Variants in SEMA7A observed in about 807,000 individuals in gnomAD.
The protein encoded by SEMA7A is semaphorin 7A (JohnMiltonHagen blood group), also known as semaphorin-7A.
A neutral mutation model predicts 67.5 loss-of-function variants in SEMA7A; 21 were observed. The ratio of observed to expected loss-of-function variants is 0.31; its 90% CI spans 0.22 to 0.45. The LOEUF is 0.45. SEMA7A is among the 20% of genes least tolerant of loss of function. SEMA7A has a pLI of 1.00. For missense variants in SEMA7A, 774 were observed against 908.6 expected (o/e 0.85, Z 1.90); for synonymous variants, 364 against 368.5 (o/e 0.99, Z 0.14).
chr15:74,416,037 C>T, intron 7 of SEMA7A, 52 bp from the exon 8 acceptor site: 1 of 1,567,932 alleles, frequency 6.4e-7, no homozygotes, highest in South Asian at 1.1e-5. Flanking sequence ...CGGGCTTCCC[C>T]ACACACCCCA....
At chr15:74,416,057 T>C in intron 7 of SEMA7A, 72 bp from the exon 8 acceptor site, 1 of 1,468,418 alleles carries the variant, frequency 6.8e-7, no homozygotes, top group Non-Finnish European at 9.4e-7. Context: ...AGGAAACCAC[T>C]GCCAGCAATA....
chr15:74,427,146 G>A (rs923900532), intron 1 of SEMA7A: 11 of 916,938 alleles, frequency 1.2e-5, no homozygotes, highest in African/African-American at 3.6e-5. Context: ...CTCACTGCCC[G>A]TACCTTCGAC....
intron 6 of SEMA7A, among the ~76,000 whole-genome samples, 183 bp from the exon 7 acceptor site, chr15:74,416,897 C>A (rs1318513812): frequency 6.6e-6 from 1 of 152,208 alleles, no homozygotes; most frequent in East Asian, 1.9e-4. Context: ...CTCCACCCCA[C>A]ACCTGTTTTG....
Position 74,433,779 on chromosome 15 carries a change from T to G in SEMA7A, c.140A>C (p.His47Pro), listed in dbSNP as rs748991176. ...GAAGATGCGGGGTCCGCTCCTTAGGTGGCCCTGGGCGGAGGCGGCGGCCGC... is the reference window on the plus strand; with the variant it reads ...GAAGATGCGGGGTCCGCTCCTTAGGGGGCCCTGGGCGGAGGCGGCGGCCGC... ...LWAAAASAQG[H>P]LRSGPRIFAV... The change falls in exon 1 of 14, where the codon CAC becomes CCC. Residue 47 changes from histidine to proline, a missense_variant. His to Pro is a moderately conservative substitution (Grantham distance 77, BLOSUM62 -2). Coordinates refer to ENST00000261918, the MANE Select transcript of SEMA7A (RefSeq NM_003612.5). The G allele has an allele frequency of 2.4e-5, 34 of 1,441,858 alleles. No homozygotes were observed. The South Asian group carries it at 4.2e-4, about 18-fold the overall frequency. The allele number at this position is 1,441,858 out of a possible 1,614,324, so 89.3% of individuals were successfully genotyped here.
intron 1 of SEMA7A, among the ~76,000 whole-genome samples, chr15:74,433,202 G>A (rs1289316716): frequency 1.3e-5 from 2 of 148,616 alleles, no homozygotes; most frequent in African/African-American, 2.5e-5. Context: ...TGCCTGGCCC[G>A]AGCTCCGGGC....
Position 74,411,506 on chromosome 15 carries a change from C to G in SEMA7A, c.1577+50G>C, listed in dbSNP as rs375908700. ...TCCTCCAGCCCGACAACACCTCCCC[C>G]TCTCCCATGCCCACCTTCTCCCAGG... On this transcript the variant is annotated intron_variant, in intron 12 of 13. Coordinates refer to ENST00000261918, the MANE Select transcript of SEMA7A (RefSeq NM_003612.5). This position sits in a 1 kb window ranked among gnomAD's most constrained non-coding sequence, Gnocchi z 4.4. The G allele has an allele frequency of 6.5e-7, 1 of 1,544,446 alleles. No homozygotes were observed. Among genetic ancestry groups the G allele is most frequent in the Non-Finnish European group, 8.7e-7 (1 of 1,144,398 alleles).
Position 74,433,920 on chromosome 15 carries a change from C to A in SEMA7A, c.-2G>T. The A allele has an allele frequency of 8.0e-7, 1 of 1,246,484 alleles. No individual in the cohort carries two copies. The highest frequency in any genetic ancestry group is 3.5e-5 in the South Asian group (1 of 28,404). 77.2% of individuals were successfully genotyped at this position (1,246,484 alleles called of 1,614,324 possible). A position where few individuals can be genotyped will look rare whatever the true frequency, so the allele number is the denominator to read the frequency against. On this transcript the variant is annotated 5_prime_UTR_variant, in exon 1 of 14. Coordinates refer to ENST00000261918, the MANE Select transcript of SEMA7A (RefSeq NM_003612.5). ...ACGTCCGGGCGGAGGAGGCGTCATC[C>A]CGTGGCCCCGGGAGCGACAGCGGCA...
At position 74,414,968 on chromosome 15, in the gene SEMA7A, C is replaced by T. The variant is rs368149063; in HGVS notation, c.987-22G>A. The T allele has an allele frequency of 2.1e-5, 34 of 1,602,036 alleles. No individual in the cohort carries two copies. The highest frequency in any genetic ancestry group is 2.5e-5 in the Non-Finnish European group (29 of 1,169,980). On this transcript the variant is annotated intron_variant, in intron 8 of 13. Coordinates refer to ENST00000261918, the MANE Select transcript of SEMA7A (RefSeq NM_003612.5). The surrounding 1 kb of genome is among the most constrained non-coding windows in gnomAD (Gnocchi z 4.1). ...GTTCCTGCAGTGACATGGAGACCAG[C>T]TCAATGGGGGGCCCAGAACCCACCC...
At chr15:74,429,777 T>A (rs2061072134) in intron 1 of SEMA7A, among the ~76,000 whole-genome samples, 1 of 151,948 alleles carries the variant, frequency 6.6e-6, no homozygotes, top group Non-Finnish European at 1.5e-5. Context: ...CAACGCCTCT[T>A]CACATGGGGG....
intron 1 of SEMA7A, among the ~76,000 whole-genome samples, chr15:74,420,693 GAC>G (rs907800702): frequency 2.0e-5 from 3 of 152,120 alleles, no homozygotes; most frequent in African/African-American, 4.8e-5. Context: ...TGGGGTCACA[GAC>G]ACAGTCTTCC....
rs950193960 is a variant in SEMA7A, at chr15:74,410,485, C to T, written c.*139G>A. The T allele has an allele frequency of 2.3e-6, 3 of 1,312,454 alleles. No individual in the cohort carries two copies. Among genetic ancestry groups the T allele is most frequent in the Non-Finnish European group, 3.1e-6 (3 of 964,476 alleles). 81.3% of individuals were successfully genotyped at this position (1,312,454 alleles called of 1,614,324 possible). A position where few individuals can be genotyped will look rare whatever the true frequency, so the allele number is the denominator to read the frequency against. On this transcript the variant is annotated 3_prime_UTR_variant, in exon 14 of 14. Coordinates refer to ENST00000261918, the MANE Select transcript of SEMA7A (RefSeq NM_003612.5). The surrounding 1 kb of genome is among the most constrained non-coding windows in gnomAD (Gnocchi z 7.5). ...CCGCCTGCGGCTGGACGTCTCCAGG[C>T]CTGGCATCCTCCACTGGGTTATTCT...
intron 1 of SEMA7A, among the ~76,000 whole-genome samples, chr15:74,427,504 T>G (rs989311636): frequency 1.3e-5 from 2 of 152,182 alleles, no homozygotes; most frequent in Non-Finnish European, 2.9e-5. Context: ...AATTTTTTTG[T>G]ATTTTTAGTA....
chr15:74,410,994 G>A lies in SEMA7A; in HGVS notation c.1640-9C>T. The A allele has an allele frequency of 6.2e-7, 1 of 1,608,330 alleles. No individual in the cohort carries two copies. The highest frequency in any genetic ancestry group is 8.5e-7 in the Non-Finnish European group (1 of 1,176,862). On this transcript the variant is annotated splice_polypyrimidine_tract_variant and intron_variant, in intron 13 of 13. Transcript: ENST00000261918. The surrounding 1 kb of genome is among the most constrained non-coding windows in gnomAD (Gnocchi z 7.5). Reference sequence around the variant, plus strand: ...CTGCAGTGGGGCCTTGTCTGGGGAGGCAGTGGGGAAGCAGCCGTGAGGAGG... The same window carrying A: ...CTGCAGTGGGGCCTTGTCTGGGGAGACAGTGGGGAAGCAGCCGTGAGGAGG...
intron 7 of SEMA7A, 46 bp from the exon 8 acceptor site, chr15:74,416,031 C>G: frequency 6.3e-7 from 1 of 1,576,028 alleles, no homozygotes; most frequent in Non-Finnish European, 8.7e-7. Context: ...CCTGCCCGGG[C>G]TTCCCCACAC....
intron 1 of SEMA7A, among the ~76,000 whole-genome samples, chr15:74,424,407 G>A (rs28362890): frequency 6.6e-6 from 1 of 152,354 alleles, no homozygotes; most frequent in Non-Finnish European, 1.5e-5. Context: ...AAGTCAGACA[G>A]TTTTCTGGAA....
intron 1 of SEMA7A, among the ~76,000 whole-genome samples, chr15:74,429,418 C>T (rs1221166094): frequency 6.6e-6 from 1 of 152,224 alleles, no homozygotes; most frequent in East Asian, 1.9e-4. Context: ...CTATCCATGC[C>T]ACCCCCACCC....
Position 74,433,927 on chromosome 15 carries a change from C to T in SEMA7A, c.-9G>A, listed in dbSNP as rs1367494409. ...GGCGGAGGAGGCGTCATCCCGTGGC[C>T]CCGGGAGCGACAGCGGCAATCAGCC... On this transcript the variant is annotated 5_prime_UTR_variant, in exon 1 of 14. Transcript: ENST00000261918. 4 of 1,243,838 alleles carry T rather than the reference C, an allele frequency of 3.2e-6. No homozygotes were observed. The African/African-American group carries it at 4.7e-5, about 15-fold the overall frequency. 77.1% of individuals were successfully genotyped at this position (1,243,838 alleles called of 1,614,324 possible).
intron 1 of SEMA7A, among the ~76,000 whole-genome samples, chr15:74,431,470 A>G (rs1596202678): frequency 6.6e-6 from 1 of 152,158 alleles, no homozygotes; most frequent in Non-Finnish European, 1.5e-5. Context: ...AACTTTCCAT[A>G]CCTATTCCAG....
Position 74,411,185 on chromosome 15 carries a change from G to C in SEMA7A, c.1639+110C>G. 7.3e-7 allele frequency: 1 copy of C among 1,362,304 alleles called. No individual in the cohort carries two copies. Among genetic ancestry groups the C allele is most frequent in the Non-Finnish European group, 1.0e-6 (1 of 994,402 alleles). The allele number at this position is 1,362,304 out of a possible 1,614,324, so 84.4% of individuals were successfully genotyped here. ...TCTGCAGGACTGTATCCTGCCCCAT[G>C]TACCTGGGGCCCACAGGACAAGGCC... On this transcript the variant is annotated intron_variant, in intron 13 of 13. Coordinates refer to ENST00000261918, the MANE Select transcript of SEMA7A (RefSeq NM_003612.5). The surrounding 1 kb of genome is among the most constrained non-coding windows in gnomAD (Gnocchi z 4.4).
Sources: allele counts gnomAD v4.1 joint callset (sites outside exome capture counted in the v4.1 genomes callset), GRCh38; gene constraint gnomAD v4.1.1; non-coding constraint Gnocchi (gnomAD v3.1); transcripts MANE v1.5; gene names NCBI Gene and HGNC (gene_info 2026-07-23, HGNC 2026-07-21).